The following DYNC2I1 variants were observed in gnomAD, a reference collection of about 807,000 sequenced individuals.
DYNC2I1 encodes cytoplasmic dynein 2 intermediate chain 1.
Under a neutral mutation model 133.4 loss-of-function variants are expected in DYNC2I1, and 89 were observed. The observed-to-expected ratio is 0.67, with a 90% CI of 0.56 to 0.80. The LOEUF (loss-of-function observed/expected upper bound fraction) is 0.80, where lower values mean the gene tolerates loss of function less well. Ranked by LOEUF, DYNC2I1 falls within the 30% of genes least tolerant of loss-of-function variation. DYNC2I1 has a pLI of 0.00. For synonymous variants in DYNC2I1, 504 were observed against 484.3 expected, an observed-to-expected ratio of 1.04 and a Z score of -0.54; for missense variants, 1,291 against 1,314.5, an observed-to-expected ratio of 0.98 and a Z score of 0.28.
At chr7:158,877,723 C>A (rs573472530) in intron 4 of DYNC2I1, among the ~76,000 whole-genome samples, 2 of 152,070 alleles carry the variant, frequency 1.3e-5, no homozygotes, top group South Asian at 4.1e-4. Flanking sequence ...TTTTTAGAGA[C>A]AGGGTCTTGC....
At chr7:158,878,588 AGGCCAGGAGGGCC>A (rs1843630809) in intron 4 of DYNC2I1, among the ~76,000 whole-genome samples, 1 of 107,210 alleles carries the variant, frequency 9.3e-6, no homozygotes, top group African/African-American at 3.7e-5. Context: ...CGAGGAGGGG[AGGCCAGGAGGGCC>A]GACTGTGAAT....
chr7:158,881,811 G>A (rs537483929), intron 5 of DYNC2I1, among the ~76,000 whole-genome samples: 1 of 152,082 alleles, frequency 6.6e-6, no homozygotes, highest in African/African-American at 2.4e-5. Flanking sequence ...TTCTCCCAAC[G>A]TTGTGTTACG....
At chr7:158,879,312 C>T (rs1275627204) in intron 4 of DYNC2I1, among the ~76,000 whole-genome samples, 5 of 152,022 alleles carry the variant, frequency 3.3e-5, no homozygotes, top group Admixed American at 2.0e-4. Flanking sequence ...ACAGCACAGT[C>T]GTCCCTTGGT....
At chr7:158,938,930 T>G in intron 23 of DYNC2I1, among the ~76,000 whole-genome samples, 1 of 152,198 alleles carries the variant, frequency 6.6e-6, no homozygotes, top group East Asian at 1.9e-4. Flanking sequence ...CTCATAACTC[T>G]ACTATGAAGC....
Position 158,905,997 on chromosome 7 carries a change from A to T in DYNC2I1, c.1366A>T (p.Ser456Cys). The T allele has an allele frequency of 6.2e-7, 1 of 1,613,768 alleles. No individual in the cohort carries two copies. The highest frequency in any genetic ancestry group is 1.1e-5 in the South Asian group (1 of 90,986). The change falls in exon 11 of 25, where the codon AGT becomes TGT. Residue 456 changes from serine to cysteine, a missense_variant. By Grantham distance (112) the Ser-to-Cys change is moderately radical (BLOSUM62 -1). Coordinates refer to ENST00000407559, the MANE Select transcript of DYNC2I1 (RefSeq NM_018051.5). The part of the protein sequence containing the change: ...FEKEPRTDTN[S>C]SPSRASVCGI... ...TTTTCTCCCTCACACAGATACAAAC[A>T]GTTCCCCTTCCAGAGCCTCTGTTTG...
chr7:158,851,463 A>G, the DYNC2I1 span, among the ~76,000 whole-genome samples: 1 of 152,084 alleles, frequency 6.6e-6, no homozygotes, highest in Admixed American at 6.5e-5. Context: ...CGGAGGTTGC[A>G]GTGAGCTGAA....
intron 7 of DYNC2I1, 26 bp downstream of exon 7, chr7:158,887,101 A>G (rs1844684051): frequency 6.2e-7 from 1 of 1,605,852 alleles, no homozygotes; most frequent in Non-Finnish European, 8.5e-7. Flanking sequence ...CTGAGAATAC[A>G]TTGATTTTAT....
chr7:158,955,628 G>A (rs1852179607), intron 4 of DYNC2I1, among the ~76,000 whole-genome samples: 1 of 152,210 alleles, frequency 6.6e-6, no homozygotes, highest in Admixed American at 6.5e-5. Context: ...TAAATCAGAG[G>A]TCCTGCCTGC....
the DYNC2I1 span, among the ~76,000 whole-genome samples, chr7:158,851,362 A>G: frequency 2.8e-3 from 431 of 152,148 alleles, 3 homozygotes; most frequent in African/African-American, 9.8e-3. Flanking sequence ...ACGAAACCCC[A>G]TCTCTACAAA....
chr7:158,871,869 A>T (rs771857698), intron 3 of DYNC2I1, among the ~76,000 whole-genome samples: 5 of 152,108 alleles, frequency 3.3e-5, no homozygotes, highest in Non-Finnish European at 5.9e-5. Context: ...GCTGTTTGGG[A>T]CATTTTCCTC....
At chr7:158,839,844 C>T in the DYNC2I1 span, among the ~76,000 whole-genome samples, 2 of 151,736 alleles carry the variant, frequency 1.3e-5, no homozygotes, top group South Asian at 2.1e-4. Context: ...GATGAGGTCT[C>T]GCTCTATCAC....
chr7:158,934,034 A>G, intron 21 of DYNC2I1, 95 bp from the exon 22 acceptor site: 1 of 835,820 alleles, frequency 1.2e-6, no homozygotes, highest in Non-Finnish European at 1.9e-6. Context: ...CCTGTTATAC[A>G]TCGATGTATT....
At chr7:158,921,275 C>G (rs1849054617) in intron 15 of DYNC2I1, among the ~76,000 whole-genome samples, 1 of 152,162 alleles carries the variant, frequency 6.6e-6, no homozygotes, top group African/African-American at 2.4e-5. Flanking sequence ...GCACACAGGT[C>G]TGAGCGGTGG....
At chr7:158,897,998 T>C (rs2129483149) in intron 8 of DYNC2I1, among the ~76,000 whole-genome samples, 1 of 152,386 alleles carries the variant, frequency 6.6e-6, no homozygotes, top group Admixed American at 6.5e-5. Flanking sequence ...TTTTTTAGCC[T>C]CTGTGTTATT....
At position 158,926,058 on chromosome 7, in the gene DYNC2I1, T is replaced by C. The variant is rs188410532; in HGVS notation, c.2258-129T>C. 2.7e-3 allele frequency: 1,937 copies of C among 709,390 alleles called. 9 individuals carry two copies. The highest frequency in any genetic ancestry group is 5.1e-3 in the Admixed American group (210 of 41,466). 43.9% of individuals were successfully genotyped at this position (709,390 alleles called of 1,614,324 possible). The stretch of plus-strand genomic sequence containing the variant: ...GGTCCATGTTGGTTTTGGGGTGTTT[T>C]GGGAAGATGTGTGGAGAGAGTTGGA... On this transcript the variant is annotated intron_variant, in intron 17 of 24. Transcript: ENST00000407559.
At chr7:158,913,735 G>T (rs541945436) in intron 13 of DYNC2I1, among the ~76,000 whole-genome samples, 1 of 151,942 alleles carries the variant, frequency 6.6e-6, no homozygotes, top group African/African-American at 2.4e-5. Context: ...TTGAGATGGA[G>T]CCTTGCTCTG....
chr7:158,928,112 T>C (rs1050118982), intron 20 of DYNC2I1, among the ~76,000 whole-genome samples: 3 of 152,122 alleles, frequency 2.0e-5, no homozygotes, highest in Non-Finnish European at 4.4e-5. Flanking sequence ...GTCCCCGGGT[T>C]TGGGCAGAGC....
chr7:158,914,405 C>A, intron 14 of DYNC2I1, 84 bp downstream of exon 14: 2 of 1,074,732 alleles, frequency 1.9e-6, no homozygotes, highest in Admixed American at 2.8e-5. Flanking sequence ...CTTTTAAGAT[C>A]TTAAAGTCTT....
intron 23 of DYNC2I1, among the ~76,000 whole-genome samples, chr7:158,940,237 C>G (rs548804773): frequency 6.2e-4 from 95 of 152,258 alleles, no homozygotes; most frequent in African/African-American, 2.0e-3. Context: ...GAAATTGTTC[C>G]ACCTCAGATC....
Sources: allele counts gnomAD v4.1 joint callset (sites outside exome capture counted in the v4.1 genomes callset), GRCh38; gene constraint gnomAD v4.1.1; transcripts MANE v1.5; gene names NCBI Gene and HGNC (gene_info 2026-07-23, HGNC 2026-07-21).